The following FSCN1 variants were observed in gnomAD, a reference collection of about 807,000 sequenced individuals.
The protein encoded by FSCN1 is fascin actin-bundling protein 1.
A neutral mutation model predicts 39.7 loss-of-function variants in FSCN1; 10 were observed. The observed-to-expected ratio is 0.25, with a 90% CI of 0.16 to 0.43. The LOEUF is 0.43. Among genes scored for constraint, FSCN1 ranks in the 20% least tolerant of loss-of-function variants. FSCN1 has a pLI of 1.00. For synonymous variants in FSCN1, 322 were observed against 320.0 expected (o/e 1.01, Z -0.07); for missense variants, 525 against 723.8 (o/e 0.73, Z 3.15).
At chr7:5,594,803 G>A (rs1785701711) in intron 1 of FSCN1, 1 of 152,338 alleles carries the variant, frequency 6.6e-6, no homozygotes, top group South Asian at 2.1e-4. Flanking sequence ...AGCTCCCTCG[G>A]GAAGCCCCTA....
chr7:5,595,179 G>C (rs1785708662), intron 1 of FSCN1, among the ~76,000 whole-genome samples: 2 of 152,226 alleles, frequency 1.3e-5, no homozygotes. Context: ...TCTTGGCTGT[G>C]GGCTCTGCAG....
rs767397734 is a variant in FSCN1 at position 5,605,460 on chromosome 7, C to T, written c.1468C>T (p.Leu490Phe). The change falls in exon 5 of 5, where the codon CTC (leucine) becomes TTC (phenylalanine). Residue 490 changes from leucine to phenylalanine, a missense_variant. Physicochemically the swap from Leu to Phe is conservative, Grantham distance 22. Coordinates refer to ENST00000382361, the MANE Select transcript of FSCN1 (RefSeq NM_003088.4). The surrounding 1 kb of genome is among the most constrained non-coding windows in gnomAD (Gnocchi z 6.9). Reference protein sequence around the residue: ...ASAETVDPASLWEY With the variant: ...ASAETVDPASFWEY ...GGCGGAAACCGTGGACCCCGCCTCG[C>T]TCTGGGAGTACTAGGGCCGGCCCGT... 1 of 1,582,324 alleles carries T rather than the reference C, an allele frequency of 6.3e-7. No individual in the cohort carries two copies. The highest frequency in any genetic ancestry group is 8.6e-7 in the Non-Finnish European group (1 of 1,164,182).
At chr7:5,601,880 C>T (rs138106497) in intron 1 of FSCN1, among the ~76,000 whole-genome samples, 43 of 151,938 alleles carry the variant, frequency 2.8e-4, no homozygotes, top group Middle Eastern at 3.4e-3. Context: ...GGGTGTTCTG[C>T]AGTGGGGTGG....
At chr7:5,598,087 TGGGGTGTG>T (rs1166374408) in intron 1 of FSCN1, among the ~76,000 whole-genome samples, 1 of 152,198 alleles carries the variant, frequency 6.6e-6, no homozygotes, top group Non-Finnish European at 1.5e-5. Flanking sequence ...CCCTCCCTGC[TGGGGTGTG>T]GCCTGATGTC....
At chr7:5,596,162 G>C (rs1444150261) in intron 1 of FSCN1, among the ~76,000 whole-genome samples, 2 of 151,992 alleles carry the variant, frequency 1.3e-5, no homozygotes, top group East Asian at 1.9e-4. Context: ...TGGGCGTGGG[G>C]GGCGTGTCTG....
chr7:5,601,044 C>T (rs1785820570), intron 1 of FSCN1, among the ~76,000 whole-genome samples: 1 of 151,250 alleles, frequency 6.6e-6, no homozygotes, highest in Non-Finnish European at 1.5e-5. Context: ...CCGCCTCGGC[C>T]TCCCAAAGTG....
chr7:5,600,533 C>T (rs895575220), intron 1 of FSCN1, among the ~76,000 whole-genome samples: 1 of 152,150 alleles, frequency 6.6e-6, no homozygotes, highest in Non-Finnish European at 1.5e-5. Flanking sequence ...TGCTCTGTCG[C>T]CCAGGCTGGA....
rs759758298 is a variant in FSCN1 at position 5,593,326 on chromosome 7, G to A, written c.390G>A (p.Glu130=). 46 of 1,611,582 alleles carry A rather than the reference G, an allele frequency of 2.9e-5. No homozygotes were observed. Among genetic ancestry groups the A allele is most frequent in the Non-Finnish European group, 3.6e-5 (42 of 1,179,480 alleles). The stretch of plus-strand genomic sequence containing the variant: ...TCGCGCAGACGGTGTCCCCCGCCGA[G>A]AAGTGGAGCGTGCACATCGCCATGC... ...SCFAQTVSPA[E]KWSVHIAMHP... is the part of the protein sequence containing the mutation. Residue 130 remains glutamate, a synonymous_variant, in exon 1 of 5, where the codon GAG becomes GAA. Coordinates refer to ENST00000382361, the MANE Select transcript of FSCN1 (RefSeq NM_003088.4).
At chr7:5,595,627 A>G (rs969777778) in intron 1 of FSCN1, among the ~76,000 whole-genome samples, 3 of 152,230 alleles carry the variant, frequency 2.0e-5, no homozygotes, top group Admixed American at 6.5e-5. Flanking sequence ...TGCTGTGTGG[A>G]CCAGCGTTGT....
intron 1 of FSCN1, among the ~76,000 whole-genome samples, chr7:5,600,338 C>A (rs1562747751): frequency 6.6e-6 from 1 of 151,790 alleles, no homozygotes; most frequent in Non-Finnish European, 1.5e-5. Flanking sequence ...CACTTGAACC[C>A]AGGAGGCAGA....
intron 4 of FSCN1, among the ~76,000 whole-genome samples, chr7:5,604,520 C>T (rs567125360): frequency 1.3e-5 from 2 of 151,772 alleles, no homozygotes; most frequent in Non-Finnish European, 2.9e-5. Flanking sequence ...CCTGGCTGGA[C>T]TGCAGTGGCG....
intron 1 of FSCN1, among the ~76,000 whole-genome samples, chr7:5,595,523 A>G (rs1785713962): frequency 6.6e-6 from 1 of 152,242 alleles, no homozygotes; most frequent in Non-Finnish European, 1.5e-5. Flanking sequence ...AGGAAAAGGC[A>G]GCGGGTACAG....
intron 1 of FSCN1, 71 bp downstream of exon 1, chr7:5,593,839 C>T: frequency 9.4e-7 from 1 of 1,061,786 alleles, no homozygotes; most frequent in Non-Finnish European, 1.3e-6. Context: ...CCCCTCCAGC[C>T]TCCCGCCCTT....
rs949326803 is a variant in FSCN1, at chr7:5,606,521, G to C, written c.*1047G>C. 3 of 152,256 alleles carry C rather than the reference G, an allele frequency of 2.0e-5. No homozygotes were observed. The highest frequency in any genetic ancestry group is 7.2e-5 in the African/African-American group (3 of 41,410). 9.4% of individuals were successfully genotyped at this position (152,256 alleles called of 1,614,324 possible). A position where few individuals can be genotyped will look rare whatever the true frequency, so the allele number is the denominator to read the frequency against. On this transcript the variant is annotated 3_prime_UTR_variant, in exon 5 of 5. Transcript: ENST00000382361. This position sits in a 1 kb window ranked among gnomAD's most constrained non-coding sequence, Gnocchi z 5.1. Reference sequence around the variant, plus strand: ...GGCCCCCCTGCTGCCAGCCTCCCCCGTCCCCAACATGCATCTCACTCTGGG... The same window carrying C: ...GGCCCCCCTGCTGCCAGCCTCCCCCCTCCCCAACATGCATCTCACTCTGGG...
chr7:5,603,489 C>G lies in FSCN1; in HGVS notation c.990-7C>G, dbSNP rs773024617. 1 of 1,614,044 alleles carries G rather than the reference C, an allele frequency of 6.2e-7. No individual in the cohort carries two copies. The highest frequency in any genetic ancestry group is 1.3e-5 in the African/African-American group (1 of 74,950). On this transcript the variant is annotated splice_polypyrimidine_tract_variant and splice_region_variant and intron_variant, in intron 2 of 4. Transcript: ENST00000382361. This position sits in a 1 kb window ranked among gnomAD's most constrained non-coding sequence, Gnocchi z 8.5. Reference sequence around the variant, plus strand: ...ACCCCGCCTGACCCTGTCCCGCCATCCCCCAGGAATGCCAGCTGCTACTTT... The same window carrying G: ...ACCCCGCCTGACCCTGTCCCGCCATGCCCCAGGAATGCCAGCTGCTACTTT...
rs1785795732 is a variant in FSCN1, at chr7:5,599,883, G to A, written c.833-3374G>A. On this transcript the variant is annotated intron_variant, in intron 1 of 4. Coordinates refer to ENST00000382361, the MANE Select transcript of FSCN1 (RefSeq NM_003088.4). The surrounding 1 kb of genome is among the most constrained non-coding windows in gnomAD (Gnocchi z 5.6). ...CCACCAGCCTCCCTCTCCTGTGGGT[G>A]CTGCCTGCCACCCACCGCTGAGGTC... is the stretch of plus-strand genomic sequence containing the variant. Among the ~76,000 whole-genome samples the A allele has an allele frequency of 6.6e-6, 1 of 152,240 alleles. No individual in the cohort carries two copies. Among genetic ancestry groups the A allele is most frequent in the East Asian group, 1.9e-4 (1 of 5,162 alleles).
At chr7:5,601,691 T>A (rs1412118929) in intron 1 of FSCN1, among the ~76,000 whole-genome samples, 2 of 151,628 alleles carry the variant, frequency 1.3e-5, no homozygotes, top group African/African-American at 4.8e-5. Context: ...GAAAAAAAAA[T>A]TAACTTGATG....
rs1248829127 is a variant in FSCN1 at position 5,605,515 on chromosome 7, C to T, written c.*41C>T. The T allele has an allele frequency of 3.6e-6, 5 of 1,393,468 alleles. 1 individual carries two copies. The Middle Eastern group carries it at 5.5e-4, about 153-fold the overall frequency. 86.3% of individuals were successfully genotyped at this position (1,393,468 alleles called of 1,614,324 possible). ...CCCCGCCCCTGCCCACATGGCGGCT[C>T]CTGCCAACCCTCCCTGCTAACCCCT... On this transcript the variant is annotated 3_prime_UTR_variant, in exon 5 of 5. Transcript: ENST00000382361. The surrounding 1 kb of genome is among the most constrained non-coding windows in gnomAD (Gnocchi z 6.9).
At position 5,605,325 on chromosome 7, in the gene FSCN1, G is replaced by A. The variant is rs756163037; in HGVS notation, c.1333G>A (p.Gly445Ser). The A allele has an allele frequency of 1.7e-5, 27 of 1,613,746 alleles. No homozygotes were observed. Among genetic ancestry groups the A allele is most frequent in the African/African-American group, 6.7e-5 (5 of 74,928 alleles). Residue 445 changes from glycine (G) to serine (S), a missense_variant, in exon 5 of 5, where the codon GGC becomes AGC. This residue lies in a region of FSCN1 where 275 missense variants were observed against 351.9 expected (regional missense o/e 0.78). Coordinates refer to ENST00000382361, the MANE Select transcript of FSCN1 (RefSeq NM_003088.4). The surrounding 1 kb of genome is among the most constrained non-coding windows in gnomAD (Gnocchi z 6.9). Reference protein sequence around the residue: ...VGSDSAVTSSGDTPVDFFFEF... With the variant: ...VGSDSAVTSSSDTPVDFFFEF... ...CAGTGACTCCGCGGTCACCAGCAGC[G>A]GCGACACTCCTGTGGACTTCTTCTT...
Sources: allele counts gnomAD v4.1 joint callset (sites outside exome capture counted in the v4.1 genomes callset), GRCh38; gene constraint gnomAD v4.1.1; regional missense constraint gnomAD v4.1.1; non-coding constraint Gnocchi (gnomAD v3.1); transcripts MANE v1.5; gene names NCBI Gene and HGNC (gene_info 2026-07-23, HGNC 2026-07-21).